Variants in NRXN1 observed in about 807,000 individuals in gnomAD.
NRXN1 encodes neurexin 1.
Under a neutral mutation model 150.9 loss-of-function variants are expected in NRXN1, and 39 were observed. The ratio of observed to expected loss-of-function variants is 0.26; its 90% confidence interval spans 0.20 to 0.34. The LOEUF (loss-of-function observed/expected upper bound fraction) is 0.34. Ranked by LOEUF, NRXN1 falls within the 10% of genes least tolerant of loss-of-function variation. NRXN1 has a pLI of 1.00. For missense variants in NRXN1, 1,815 were observed against 1,949.9 expected, an observed-to-expected ratio of 0.93 and a Z score of 1.30; for synonymous variants, 924 against 757.0, an observed-to-expected ratio of 1.22 and a Z score of -3.62.
intron 8 of NRXN1, among the ~76,000 whole-genome samples, chr2:50,586,907 GA>G (rs1169427593): frequency 6.6e-6 from 1 of 152,162 alleles, no homozygotes; most frequent in Non-Finnish European, 1.5e-5. Flanking sequence ...GTTTATGCTA[GA>G]AAATAAAATG....
intron 17 of NRXN1, among the ~76,000 whole-genome samples, chr2:50,373,902 T>C (rs1262954808): frequency 2.0e-5 from 3 of 152,160 alleles, no homozygotes; most frequent in Middle Eastern, 3.4e-3. Flanking sequence ...ATCATTAAAA[T>C]ATTTGCAGGT....
chr2:50,010,067 T>A (rs1219951595), intron 21 of NRXN1, among the ~76,000 whole-genome samples: 1 of 152,128 alleles, frequency 6.6e-6, no homozygotes, highest in Non-Finnish European at 1.5e-5. Flanking sequence ...ACAATTTGTT[T>A]TCTTCTGTCT....
At chr2:50,599,581 G>A (rs974795540) in intron 8 of NRXN1, among the ~76,000 whole-genome samples, 1 of 152,152 alleles carries the variant, frequency 6.6e-6, no homozygotes, top group South Asian at 2.1e-4. Flanking sequence ...GGACTTTTAA[G>A]TTAAAGTGAG....
chr2:50,591,397 TAGA>T (rs771266241), intron 8 of NRXN1, among the ~76,000 whole-genome samples: 1 of 145,714 alleles, frequency 6.9e-6, no homozygotes, highest in Non-Finnish European at 1.5e-5. Flanking sequence ...GATAGATAGA[TAGA>T]TAGATAGATA....
At chr2:50,422,205 C>A (rs1163240485) in intron 17 of NRXN1, among the ~76,000 whole-genome samples, 1 of 152,118 alleles carries the variant, frequency 6.6e-6, no homozygotes, top group Non-Finnish European at 1.5e-5. Flanking sequence ...TGTACAAATT[C>A]AAATCTGTGG....
At chr2:49,937,164 A>G (rs1471586418) in intron 22 of NRXN1, among the ~76,000 whole-genome samples, 1 of 152,202 alleles carries the variant, frequency 6.6e-6, no homozygotes, top group Non-Finnish European at 1.5e-5. Flanking sequence ...CCATGCTCCA[A>G]ACTGTAAAAC....
At chr2:51,000,795 T>G (rs1699940162) in intron 2 of NRXN1, among the ~76,000 whole-genome samples, 1 of 152,012 alleles carries the variant, frequency 6.6e-6, no homozygotes, top group African/African-American at 2.4e-5. Context: ...ATAATCTGCT[T>G]TGTTAATTTC....
chr2:50,098,817 G>C (rs1243628629), intron 18 of NRXN1, among the ~76,000 whole-genome samples: 1 of 83,502 alleles, frequency 1.2e-5, no homozygotes, highest in African/African-American at 4.1e-5. Context: ...GCATGGTTTT[G>C]TTTTTGGTTT....
chr2:50,008,526 T>C (rs934656049), intron 21 of NRXN1, among the ~76,000 whole-genome samples: 3 of 148,414 alleles, frequency 2.0e-5, no homozygotes, highest in African/African-American at 7.4e-5. Flanking sequence ...GAGAGTGGCA[T>C]GATCTCGGCT....
At chr2:50,357,472 C>G (rs1386859231) in intron 17 of NRXN1, among the ~76,000 whole-genome samples, 1 of 151,716 alleles carries the variant, frequency 6.6e-6, no homozygotes, top group Non-Finnish European at 1.5e-5. Flanking sequence ...CCATGCCCGG[C>G]TAATTTTGTA....
intron 17 of NRXN1, among the ~76,000 whole-genome samples, chr2:50,425,887 C>T (rs7423850): frequency 0.33 from 50,030 of 151,814 alleles, 8,853 homozygotes; most frequent in African/African-American, 0.45. Context: ...GTCACTTCAC[C>T]GGTATTCTTC....
At chr2:50,412,689 A>G (rs1346398564) in intron 17 of NRXN1, among the ~76,000 whole-genome samples, 1 of 152,210 alleles carries the variant, frequency 6.6e-6, no homozygotes, top group Non-Finnish European at 1.5e-5. Context: ...AAGCAATCAT[A>G]CAATATAATA....
chr2:50,151,496 G>A (rs1171934566), intron 18 of NRXN1, among the ~76,000 whole-genome samples: 1 of 151,708 alleles, frequency 6.6e-6, no homozygotes, highest in African/African-American at 2.4e-5. Context: ...TGTTTAATAT[G>A]AGGGAAACAG....
intron 18 of NRXN1, among the ~76,000 whole-genome samples, chr2:50,213,799 C>T (rs2063199941): frequency 6.6e-6 from 1 of 151,796 alleles, no homozygotes; most frequent in African/African-American, 2.4e-5. Context: ...CTTTTTTCAT[C>T]AACTTCTTGT....
At chr2:50,808,429 C>T (rs1022374587) in intron 5 of NRXN1, among the ~76,000 whole-genome samples, 12 of 151,750 alleles carry the variant, frequency 7.9e-5, no homozygotes, top group Non-Finnish European at 1.3e-4. Flanking sequence ...ACTACCATTA[C>T]GTTTTAGGAT....
intron 16 of NRXN1, among the ~76,000 whole-genome samples, chr2:50,469,669 A>G (rs1205913078): frequency 6.6e-6 from 1 of 151,436 alleles, no homozygotes; most frequent in Non-Finnish European, 1.5e-5. Flanking sequence ...GAAACTATAC[A>G]GGTCAGAAAT....
chr2:50,382,335 A>T (rs1160656976), intron 17 of NRXN1, among the ~76,000 whole-genome samples: 2 of 152,186 alleles, frequency 1.3e-5, no homozygotes, highest in African/African-American at 4.8e-5. Context: ...GTCTTCTCAT[A>T]ATATTGGAGT....
intron 17 of NRXN1, among the ~76,000 whole-genome samples, chr2:50,316,549 A>G (rs1215584789): frequency 6.6e-6 from 1 of 152,060 alleles, no homozygotes; most frequent in East Asian, 1.9e-4. Context: ...CCTTAGGATA[A>G]TATTTTTACA....
intron 17 of NRXN1, among the ~76,000 whole-genome samples, chr2:50,411,141 C>T (rs2083128773): frequency 6.6e-6 from 1 of 152,008 alleles, no homozygotes; most frequent in African/African-American, 2.4e-5. Context: ...ATTCTCCTGC[C>T]TCAGCCTGCC....
Sources: gnomAD v4.1 joint callset for allele counts (sites outside exome capture counted in the v4.1 genomes callset) on GRCh38, gnomAD v4.1.1 for gene constraint, MANE v1.5 for transcripts, NCBI Gene and HGNC (gene_info 2026-07-23, HGNC 2026-07-21) for gene names.